The following TPP2 variants were observed in gnomAD, a reference collection of about 807,000 sequenced individuals.
TPP2 encodes the protein tripeptidyl peptidase 2.
In TPP2, 34 loss-of-function variants were observed where a neutral mutation model predicts 155.9. That is an observed-to-expected ratio of 0.22 (90% confidence interval 0.17 to 0.29). TPP2 has a LOEUF of 0.29. Ranked by LOEUF, TPP2 falls within the 10% of genes least tolerant of loss-of-function variation. The pLI, the probability that TPP2 is intolerant of heterozygous loss-of-function variation, is 1.00. For synonymous variants in TPP2, 510 were observed against 529.4 expected, an observed-to-expected ratio of 0.96 and a Z score of 0.50; for missense variants, 1,028 against 1,522.3, an observed-to-expected ratio of 0.68 and a Z score of 5.40.
intron 25 of TPP2, among the ~76,000 whole-genome samples, chr13:102,658,941 C>T (rs1366698313): frequency 2.0e-5 from 3 of 152,120 alleles, no homozygotes; most frequent in Non-Finnish European, 2.9e-5. Context: ...CCATACCACA[C>T]GAGGCAAGCT....
chr13:102,671,626 T>C (rs1884988369), intron 27 of TPP2, among the ~76,000 whole-genome samples: 2 of 152,176 alleles, frequency 1.3e-5, no homozygotes, highest in Non-Finnish European at 2.9e-5. Flanking sequence ...GATTGTGTTG[T>C]CAATTTTGCG....
intron 25 of TPP2, among the ~76,000 whole-genome samples, chr13:102,659,313 T>C (rs1884053205): frequency 6.6e-6 from 1 of 152,150 alleles, no homozygotes; most frequent in Non-Finnish European, 1.5e-5. Flanking sequence ...AGTGAAATAA[T>C]GGCTGGAAAC....
At chr13:102,633,873 C>G in intron 10 of TPP2, 77 bp from the exon 11 acceptor site, 1 of 1,589,994 alleles carries the variant, frequency 6.3e-7, no homozygotes, top group South Asian at 1.1e-5. Flanking sequence ...TTGGATTTAA[C>G]CAGTGGTCGT....
chr13:102,639,483 CCTT>C (rs1268333148), intron 15 of TPP2, among the ~76,000 whole-genome samples: 1 of 152,170 alleles, frequency 6.6e-6, no homozygotes, highest in Non-Finnish European at 1.5e-5. Flanking sequence ...ATGTGTAAGA[CCTT>C]CAGGAGTCAG....
intron 2 of TPP2, 137 bp from the exon 3 acceptor site, chr13:102,613,964 C>T (rs550260780): frequency 1.6e-6 from 1 of 636,532 alleles, no homozygotes; most frequent in South Asian, 2.3e-5. Context: ...GAGTATTAAA[C>T]ACGTTGTTGT....
At chr13:102,614,072 T>C in intron 2 of TPP2, 29 bp from the exon 3 acceptor site, 1 of 1,596,730 alleles carries the variant, frequency 6.3e-7, no homozygotes, top group South Asian at 1.1e-5. Flanking sequence ...ATTTAGTGAA[T>C]GAACAGGTTA....
chr13:102,632,835 T>C (rs1882109814), intron 10 of TPP2, among the ~76,000 whole-genome samples: 2 of 152,220 alleles, frequency 1.3e-5, no homozygotes, highest in South Asian at 4.1e-4. Flanking sequence ...GAGATGACAC[T>C]GTTCAGGCAC....
intron 29 of TPP2, among the ~76,000 whole-genome samples, chr13:102,676,922 G>C (rs370528452): frequency 1.3e-5 from 2 of 152,194 alleles, no homozygotes; most frequent in African/African-American, 2.4e-5. Flanking sequence ...TTCTACAGAA[G>C]TTACTTTAGT....
Position 102,640,341 on chromosome 13 carries a change from A to G in TPP2, c.1985A>G (p.His662Arg). 1 of 1,613,746 alleles carries G rather than the reference A, an allele frequency of 6.2e-7. No individual in the cohort carries two copies. The highest frequency in any genetic ancestry group is 8.5e-7 in the Non-Finnish European group (1 of 1,179,758). The change falls in exon 16 of 30, where the codon CAT becomes CGT. Residue 662 changes from histidine (H) to arginine (R), a missense_variant. His to Arg is a conservative substitution (Grantham distance 29). This residue lies in a region of TPP2 where 325 missense variants were observed against 463.7 expected (regional missense o/e 0.70). Coordinates refer to ENST00000376052, the MANE Select transcript of TPP2 (RefSeq NM_001330588.2). ...VHFKPGQIRR[H>R]FIEVPEGATW... ...TTTAAACCTGGTCAAATTCGAAGGC[A>G]TTTTATTGAGGTTCCTGAGGGTGCA...
intron 25 of TPP2, among the ~76,000 whole-genome samples, chr13:102,661,612 GGTGA>G (rs1884236618): frequency 1.3e-5 from 2 of 152,036 alleles, no homozygotes; most frequent in African/African-American, 2.4e-5. Flanking sequence ...TTTTTAAATG[GGTGA>G]GTAATCTGAA....
chr13:102,612,965 T>A (rs531986319), intron 2 of TPP2, among the ~76,000 whole-genome samples: 1 of 152,374 alleles, frequency 6.6e-6, no homozygotes, highest in South Asian at 2.1e-4. Flanking sequence ...GAATAAATAC[T>A]TGGAATTTAA....
intron 28 of TPP2, 91 bp from the exon 29 acceptor site, chr13:102,676,205 C>A: frequency 8.2e-7 from 1 of 1,222,150 alleles, no homozygotes; most frequent in Non-Finnish European, 1.1e-6. Context: ...AAAAGCTACA[C>A]TTCTGTTAAA....
At chr13:102,637,372 A>C (rs1418746646) in intron 14 of TPP2, 133 bp downstream of exon 14, 1 of 941,368 alleles carries the variant, frequency 1.1e-6, no homozygotes, top group Non-Finnish European at 1.5e-6. Flanking sequence ...CTGCCAGGTT[A>C]TTCAGTTCTT....
At chr13:102,598,732 T>C (rs943795706) in intron 1 of TPP2, among the ~76,000 whole-genome samples, 1 of 152,210 alleles carries the variant, frequency 6.6e-6, no homozygotes, top group Non-Finnish European at 1.5e-5. Context: ...CAGAAAAGTT[T>C]GGAGAAGTGC....
intron 17 of TPP2, 141 bp downstream of exon 17, chr13:102,643,517 A>C (rs1043543638): frequency 2.2e-6 from 2 of 892,096 alleles, no homozygotes; most frequent in Non-Finnish European, 3.1e-6. Context: ...AAAAAAATGA[A>C]GTAGAAAAAT....
chr13:102,633,789 C>T (rs1882184867), intron 10 of TPP2, among the ~76,000 whole-genome samples, 161 bp from the exon 11 acceptor site: 2 of 152,126 alleles, frequency 1.3e-5, no homozygotes, highest in Admixed American at 6.5e-5. Context: ...TGGGTGTTTT[C>T]CCCCATTGAT....
At chr13:102,599,400 T>G (rs1879254766) in intron 1 of TPP2, among the ~76,000 whole-genome samples, 1 of 152,216 alleles carries the variant, frequency 6.6e-6, no homozygotes, top group Non-Finnish European at 1.5e-5. Flanking sequence ...TTTTTTTTCC[T>G]GTACCTTTAA....
intron 1 of TPP2, among the ~76,000 whole-genome samples, chr13:102,604,094 C>G (rs545072203): frequency 6.6e-6 from 1 of 152,214 alleles, no homozygotes; most frequent in Admixed American, 6.5e-5. Context: ...GATGGCAAAG[C>G]CTGGAGAAAA....
chr13:102,643,522 A>G, intron 17 of TPP2, 146 bp downstream of exon 17: 5 of 845,194 alleles, frequency 5.9e-6, no homozygotes, highest in Middle Eastern at 3.8e-4. Flanking sequence ...AATGAAGTAG[A>G]AAAATAGAAA....
Sources: allele counts gnomAD v4.1 joint callset (sites outside exome capture counted in the v4.1 genomes callset), GRCh38; gene constraint gnomAD v4.1.1; regional missense constraint gnomAD v4.1.1; transcripts MANE v1.5; gene names NCBI Gene and HGNC (gene_info 2026-07-23, HGNC 2026-07-21).